SLCO4A1: variants seen among roughly 807,000 people sequenced by gnomAD.
SLCO4A1 encodes the protein colon organic anion transporter.
SLCO4A1 carries 51 observed loss-of-function variants against 64.6 expected under a neutral mutation model. The observed-to-expected ratio is 0.79, with a 90% CI of 0.63 to 1.00. The LOEUF (loss-of-function observed/expected upper bound fraction) is 1.00, where lower values mean the gene tolerates loss of function less well. Among genes scored for constraint, SLCO4A1 ranks in the 50% least tolerant of loss-of-function variants. The probability of loss-of-function intolerance (pLI) is 0.00; values close to 1 mark genes in which losing one functional copy is unlikely to be tolerated. For missense variants in SLCO4A1, 919 were observed against 980.5 expected, an observed-to-expected ratio of 0.94 and a Z score of 0.84; for synonymous variants, 471 against 444.9, an observed-to-expected ratio of 1.06 and a Z score of -0.74.
chr20:62,676,243 T>G (rs758640681), downstream of SLCO4A1, among the ~76,000 whole-genome samples: 2 of 151,912 alleles, frequency 1.3e-5, no homozygotes, highest in African/African-American at 2.4e-5. Flanking sequence ...AGCGAAACCC[T>G]GTCTCTGTAA....
chr20:62,665,363 TGTGACTTG>T (rs1985926501), intron 6 of SLCO4A1: 1 of 405,910 alleles, frequency 2.5e-6, no homozygotes, highest in South Asian at 4.5e-5. Context: ...TCTTGGCTTC[TGTGACTTG>T]GTGCAGGAAG....
At chr20:62,653,840 T>C (rs1370766695) in intron 1 of SLCO4A1, among the ~76,000 whole-genome samples, 4 of 142,006 alleles carry the variant, frequency 2.8e-5, no homozygotes, top group Non-Finnish European at 3.0e-5. Context: ...AATTGAACAA[T>C]GAGAACGCTT....
intron 2 of SLCO4A1, among the ~76,000 whole-genome samples, chr20:62,684,536 A>G (rs1402144481): frequency 1.3e-5 from 2 of 152,026 alleles, no homozygotes; most frequent in African/African-American, 2.4e-5. Flanking sequence ...CCCCACCACA[A>G]TCACAGGGGA....
intron 6 of SLCO4A1, 84 bp downstream of exon 6, chr20:62,665,172 C>T (rs927178517): frequency 6.6e-5 from 96 of 1,463,434 alleles, no homozygotes; most frequent in Non-Finnish European, 8.5e-5. Context: ...CTAGAAAGAC[C>T]CAGACAGGGC....
In SLCO4A1 at chr20:62,671,835, C is replaced by T. The variant is rs1304788011; in HGVS notation, c.2111C>T (p.Pro704Leu). 3 of 1,613,584 alleles carry T rather than the reference C, an allele frequency of 1.9e-6. No individual in the cohort carries two copies. Among genetic ancestry groups the T allele is most frequent in the Admixed American group, 1.7e-5 (1 of 60,032 alleles). The change falls in exon 12 of 12, where the codon CCC (proline) becomes CTC (leucine). Residue 704 changes from proline to leucine, a missense_variant. Physicochemically the swap from Pro to Leu is moderately conservative, Grantham distance 98. Transcript: ENST00000217159. The part of the protein sequence containing the change: ...ESSDGLETCL[P>L]SQSSAPDSAT... ...TCAGATGGCCTGGAAACTTGTCTGC[C>T]CAGCCAGTCCTCAGCCCCTGACAGT...
At chr20:62,652,461 C>A (rs909579670) in intron 1 of SLCO4A1, among the ~76,000 whole-genome samples, 1 of 152,182 alleles carries the variant, frequency 6.6e-6, no homozygotes, top group African/African-American at 2.4e-5. Flanking sequence ...AGTCCCGCCC[C>A]GGGGCTCTTG....
chr20:62,673,423 A>T (rs1465527449), downstream of SLCO4A1, among the ~76,000 whole-genome samples: 1 of 143,426 alleles, frequency 7.0e-6, no homozygotes, highest in Non-Finnish European at 1.6e-5. Flanking sequence ...TAGGGTCAGG[A>T]TGAGGCTCGG....
rs200514917 is a variant in SLCO4A1 at position 62,656,690 on chromosome 20, C to T, written c.236C>T (p.Ser79Leu). The T allele has an allele frequency of 6.8e-6, 11 of 1,609,308 alleles. No homozygotes were observed. Among genetic ancestry groups the T allele is most frequent in the South Asian group, 4.4e-5 (4 of 90,514 alleles). ...GGGACCCATGAGGTGCGGTACGTCT[C>T]GGCCGGGCAGAGCGTGGCGTGCGGC... ...ARGTHEVRYVSAGQSVACGWW... is the reference protein window; with the variant it reads ...ARGTHEVRYVLAGQSVACGWW... The change falls in exon 2 of 12, where the codon TCG becomes TTG. Residue 79 changes from serine to leucine, a missense_variant. Transcript: ENST00000217159.
downstream of SLCO4A1, among the ~76,000 whole-genome samples, chr20:62,687,143 G>A (rs1334829426): frequency 6.6e-6 from 1 of 151,748 alleles, no homozygotes; most frequent in African/African-American, 2.4e-5. Context: ...CGATGGGTGG[G>A]GCACCCCCAA....
At chr20:62,650,839 C>T (rs1982350894) in intron 1 of SLCO4A1, 1 of 152,258 alleles carries the variant, frequency 6.6e-6, no homozygotes, top group East Asian at 1.9e-4. Flanking sequence ...AATGTAAGTC[C>T]TGCACCGCAC....
chr20:62,674,824 C>T (rs1021950961), downstream of SLCO4A1, among the ~76,000 whole-genome samples: 1 of 152,224 alleles, frequency 6.6e-6, no homozygotes, highest in African/African-American at 2.4e-5. Flanking sequence ...GCTCCTCTCT[C>T]CTCTATGTGC....
Position 62,657,194 on chromosome 20 carries a change from T to C in SLCO4A1, c.740T>C (p.Leu247Pro). Residue 247 changes from leucine (L) to proline (P), a missense_variant, in exon 2 of 12, where the codon CTG becomes CCG. Transcript: ENST00000217159. Reference protein sequence around the residue: ...HGVGATPLYTLGVTYLDENVK... With the variant: ...HGVGATPLYTPGVTYLDENVK... ...GTGGGTGCCACACCCCTCTACACGC[T>C]GGGCGTCACCTACCTGGATGAGAAC... 1.3e-6 allele frequency: 2 copies of C among 1,550,186 alleles called. No homozygotes were observed. The highest frequency in any genetic ancestry group is 1.7e-6 in the Non-Finnish European group (2 of 1,146,654).
downstream of SLCO4A1, among the ~76,000 whole-genome samples, chr20:62,688,958 GA>G (rs1445532291): frequency 6.6e-6 from 1 of 152,218 alleles, no homozygotes; most frequent in East Asian, 1.9e-4. Flanking sequence ...CTAGAAGCTG[GA>G]AAATCAGGCT....
intron 1 of SLCO4A1, among the ~76,000 whole-genome samples, chr20:62,647,045 A>G (rs1435794767): frequency 6.6e-6 from 1 of 152,242 alleles, no homozygotes; most frequent in Admixed American, 6.5e-5. Flanking sequence ...ATACAAAGCA[A>G]TGGCTTCCTG....
chr20:62,658,106 G>A (rs1288354591), intron 2 of SLCO4A1, among the ~76,000 whole-genome samples: 1 of 152,176 alleles, frequency 6.6e-6, no homozygotes, highest in East Asian at 1.9e-4. Flanking sequence ...GAAGGGCATC[G>A]TAGGATGGTC....
intron 4 of SLCO4A1, 151 bp from the exon 5 acceptor site, chr20:62,660,913 C>T: frequency 1.6e-6 from 1 of 625,168 alleles, no homozygotes; most frequent in Non-Finnish European, 2.8e-6. Context: ...TCCAGTGCCG[C>T]CTCCCCGGGG....
chr20:62,681,073 C>T (rs1055337277), intron 2 of SLCO4A1, among the ~76,000 whole-genome samples: 61 of 152,156 alleles, frequency 4.0e-4, no homozygotes, highest in African/African-American at 1.4e-3. Context: ...TCACCACGCC[C>T]AGATAATTTG....
chr20:62,660,749 T>G lies in SLCO4A1; in HGVS notation c.1009+216T>G, dbSNP rs548377050. On this transcript the variant is annotated intron_variant, in intron 4 of 11. Coordinates refer to ENST00000217159, the MANE Select transcript of SLCO4A1 (RefSeq NM_016354.4). ...GTCCATCCTGTCCTGTGGCCTCCCC[T>G]CTGCCCCAGCGGCTTCTCCCCCTCA... Among the ~76,000 whole-genome samples, 6 of 152,302 alleles carry G rather than the reference T, an allele frequency of 3.9e-5. No individual in the cohort carries two copies. The East Asian group carries it at 1.2e-3, about 29-fold the overall frequency.
At chr20:62,654,844 C>G (rs953238873) in intron 1 of SLCO4A1, among the ~76,000 whole-genome samples, 6 of 152,198 alleles carry the variant, frequency 3.9e-5, no homozygotes, top group South Asian at 2.1e-4. Flanking sequence ...CGGGCCCTCT[C>G]TTACTGCTGA....
Sources: gnomAD v4.1 joint callset for allele counts (sites outside exome capture counted in the v4.1 genomes callset) on GRCh38, gnomAD v4.1.1 for gene constraint, MANE v1.5 for transcripts, NCBI Gene and HGNC (gene_info 2026-07-23, HGNC 2026-07-21) for gene names.